The following SORT1 variants were observed in gnomAD, a reference collection of about 807,000 sequenced individuals.
SORT1 encodes the protein sortilin 1, also known as sortilin.
SORT1 carries 39 observed loss-of-function variants against 101.7 expected under a neutral mutation model. The observed-to-expected ratio is 0.38, with a 90% CI of 0.30 to 0.50. SORT1 has a LOEUF of 0.50. Ranked by LOEUF, SORT1 falls within the 20% of genes least tolerant of loss-of-function variation. The pLI is 0.90. For synonymous variants in SORT1, 396 were observed against 393.7 expected, an observed-to-expected ratio of 1.01 and a Z score of -0.07; for missense variants, 878 against 1,040.4, an observed-to-expected ratio of 0.84 and a Z score of 2.15.
chr1:109,311,171 C>T lies in SORT1; in HGVS notation c.*2872G>A, dbSNP rs1043771826. The T allele has an allele frequency of 6.6e-6, 1 of 152,168 alleles. No homozygotes were observed. The highest frequency in any genetic ancestry group is 1.5e-5 in the Non-Finnish European group (1 of 68,044). The allele number at this position is 152,168 out of a possible 1,614,324, so 9.4% of individuals were successfully genotyped here. A position where few individuals can be genotyped will look rare whatever the true frequency, so the allele number is the denominator to read the frequency against. On this transcript the variant is annotated 3_prime_UTR_variant, in exon 20 of 20. Transcript: ENST00000256637. ...CTGTGGTCTCACTAAAGCCCAATGC[C>T]CAATTAGGTCCAGAGAAGAAAGAAG...
Position 109,397,638 on chromosome 1 carries a change from C to T in SORT1, c.255G>A (p.Glu85=). 7.9e-7 allele frequency: 1 copy of T among 1,264,430 alleles called. No homozygotes were observed. Among genetic ancestry groups the T allele is most frequent in the Non-Finnish European group, 1.0e-6 (1 of 993,410 alleles). The allele number at this position is 1,264,430 out of a possible 1,614,324, so 78.3% of individuals were successfully genotyped here. Residue 85 remains glutamate (E), a synonymous_variant, in exon 1 of 20, where the codon GAG becomes GAA. Transcript: ENST00000256637. ...WRRSAPGEDE[E]CGRVRDFVAK... Reference sequence around the variant, plus strand: ...CGACGAAGTCCCGGACCCGGCCGCACTCCTCGTCCTCGCCCGGCGCGCTGC... The same window carrying T: ...CGACGAAGTCCCGGACCCGGCCGCATTCCTCGTCCTCGCCCGGCGCGCTGC...
intron 3 of SORT1, among the ~76,000 whole-genome samples, chr1:109,359,090 A>G (rs1650536509): frequency 6.6e-6 from 1 of 152,162 alleles, no homozygotes; most frequent in South Asian, 2.1e-4. Context: ...TATAAACAGC[A>G]GAAATTCATT....
At chr1:109,357,700 TC>T (rs1650422907) in intron 3 of SORT1, among the ~76,000 whole-genome samples, 1 of 152,042 alleles carries the variant, frequency 6.6e-6, no homozygotes, top group Admixed American at 6.6e-5. Context: ...TATGTAGAGG[TC>T]CCTGATAATA....
intron 3 of SORT1, among the ~76,000 whole-genome samples, chr1:109,359,603 G>A (rs1314305527): frequency 4.6e-5 from 7 of 151,962 alleles, no homozygotes; most frequent in Admixed American, 6.6e-5. Context: ...AGGTTCAAGC[G>A]GTTCTCCTGC....
chr1:109,387,359 G>T (rs1054861888), intron 1 of SORT1, among the ~76,000 whole-genome samples: 1 of 152,040 alleles, frequency 6.6e-6, no homozygotes, highest in Non-Finnish European at 1.5e-5. Flanking sequence ...CAGGCACAGG[G>T]ATATGTGCCT....
intron 16 of SORT1, 57 bp from the exon 17 acceptor site, chr1:109,317,015 C>A: frequency 9.0e-7 from 1 of 1,113,966 alleles, no homozygotes; most frequent in Non-Finnish European, 1.3e-6. Context: ...TGGGTACCTG[C>A]CTATTTCTTG....
At chr1:109,341,899 A>G in intron 9 of SORT1, 115 bp downstream of exon 9, 1 of 979,150 alleles carries the variant, frequency 1.0e-6, no homozygotes. Flanking sequence ...CAGAAAAATC[A>G]GTAGGGCACT....
In SORT1 at chr1:109,314,028, A is replaced by G. The variant is rs1007627319; in HGVS notation, c.*15T>C. On this transcript the variant is annotated 3_prime_UTR_variant, in exon 20 of 20. Transcript: ENST00000256637. ...TGGTTCCACCATCCATGCTGGGTCC[A>G]GCTCCTCTGAAGAGCTATTCCAAGA... The G allele has an allele frequency of 9.3e-6, 15 of 1,613,630 alleles. No individual in the cohort carries two copies. The highest frequency in any genetic ancestry group is 1.3e-5 in the Non-Finnish European group (15 of 1,179,640).
At chr1:109,394,841 G>A (rs185057797) in intron 1 of SORT1, among the ~76,000 whole-genome samples, 2 of 152,208 alleles carry the variant, frequency 1.3e-5, no homozygotes, top group East Asian at 1.9e-4. Context: ...CTTGGGACTC[G>A]AATCCTGTCA....
chr1:109,319,176 TTAGA>T (rs1570886561), intron 15 of SORT1, among the ~76,000 whole-genome samples: 1 of 152,226 alleles, frequency 6.6e-6, no homozygotes, highest in African/African-American at 2.4e-5. Context: ...TCTTAGCTTC[TTAGA>T]TAGTCTTTGC....
intron 1 of SORT1, among the ~76,000 whole-genome samples, chr1:109,394,709 A>G (rs1344296607): frequency 1.3e-5 from 2 of 152,214 alleles, no homozygotes; most frequent in Non-Finnish European, 2.9e-5. Flanking sequence ...GCACCCCAGC[A>G]TCTAGCACAG....
At chr1:109,335,564 G>A (rs1648755000) in intron 11 of SORT1, among the ~76,000 whole-genome samples, 1 of 152,130 alleles carries the variant, frequency 6.6e-6, no homozygotes, top group African/African-American at 2.4e-5. Context: ...TACTAAGGAG[G>A]GTTCGGGAAC....
chr1:109,388,278 C>T (rs912542476), intron 1 of SORT1, among the ~76,000 whole-genome samples: 1 of 152,108 alleles, frequency 6.6e-6, no homozygotes, highest in Non-Finnish European at 1.5e-5. Context: ...CGCTCTGTTG[C>T]CCAGACTGGA....
chr1:109,322,107 T>G (rs1040726980), intron 15 of SORT1, among the ~76,000 whole-genome samples: 10 of 132,478 alleles, frequency 7.5e-5, no homozygotes, highest in African/African-American at 2.3e-4. Context: ...TTTCTTTCTG[T>G]TTTTTTTTTT....
chr1:109,333,610 AAAG>A (rs1342184835), intron 11 of SORT1, among the ~76,000 whole-genome samples: 5 of 152,218 alleles, frequency 3.3e-5, no homozygotes, highest in African/African-American at 1.2e-4. Context: ...CCATTTATCA[AAAG>A]AAGACATATA....
At chr1:109,387,185 G>A (rs1376508727) in intron 1 of SORT1, among the ~76,000 whole-genome samples, 1 of 152,258 alleles carries the variant, frequency 6.6e-6, no homozygotes, top group East Asian at 1.9e-4. Flanking sequence ...CAGCTACTTT[G>A]GAGGCTGAGG....
At chr1:109,383,091 A>C (rs1652359879) in intron 1 of SORT1, among the ~76,000 whole-genome samples, 1 of 152,222 alleles carries the variant, frequency 6.6e-6, no homozygotes, top group Non-Finnish European at 1.5e-5. Flanking sequence ...GGTTGGAAAA[A>C]AATCCAGTCA....
chr1:109,388,067 T>C (rs920061109), intron 1 of SORT1, among the ~76,000 whole-genome samples: 1 of 152,186 alleles, frequency 6.6e-6, no homozygotes, highest in Non-Finnish European at 1.5e-5. Flanking sequence ...CATTTTTTTT[T>C]CCTTTTAGAT....
At chr1:109,333,322 T>C (rs1219636549) in intron 11 of SORT1, among the ~76,000 whole-genome samples, 2 of 152,000 alleles carry the variant, frequency 1.3e-5, no homozygotes, top group African/African-American at 2.4e-5. Flanking sequence ...GAAGGAAATA[T>C]AGGGAAAAAA....
Sources: gnomAD v4.1 joint callset for allele counts (sites outside exome capture counted in the v4.1 genomes callset) on GRCh38, gnomAD v4.1.1 for gene constraint, MANE v1.5 for transcripts, NCBI Gene and HGNC (gene_info 2026-07-23, HGNC 2026-07-21) for gene names.